Variants in PDE1C observed in about 807,000 individuals in gnomAD.
PDE1C encodes phosphodiesterase 1C, also known as dual specificity calcium/calmodulin-dependent 3',5'-cyclic nucleotide phosphodiesterase 1C.
A neutral mutation model predicts 93.1 loss-of-function variants in PDE1C; 62 were observed. The observed-to-expected ratio is 0.67, with a 90% CI of 0.54 to 0.82. PDE1C has a LOEUF of 0.82. PDE1C is among the 40% of genes least tolerant of loss of function. The probability of loss-of-function intolerance (pLI) is 0.00; values close to 1 mark genes in which losing one functional copy is unlikely to be tolerated. For missense variants in PDE1C, 742 were observed against 884.6 expected, an observed-to-expected ratio of 0.84 and a Z score of 2.04; for synonymous variants, 325 against 310.1, an observed-to-expected ratio of 1.05 and a Z score of -0.50.
chr7:32,259,461 T>C (rs1810038767), intron 1 of PDE1C, among the ~76,000 whole-genome samples: 1 of 152,124 alleles, frequency 6.6e-6, no homozygotes, highest in Non-Finnish European at 1.5e-5. Context: ...GCAACTGGAT[T>C]AAATTTGGAC....
the PDE1C span, chr7:31,656,563 A>G: frequency 2.6e-5 from 20 of 767,142 alleles, no homozygotes; most frequent in Non-Finnish European, 2.5e-5. Context: ...CACACAGAAT[A>G]TTACCTACCG....
chr7:31,817,798 G>A (rs1458718093), intron 14 of PDE1C, among the ~76,000 whole-genome samples: 3 of 152,040 alleles, frequency 2.0e-5, no homozygotes, highest in Non-Finnish European at 4.4e-5. Context: ...CTTTGTTTTA[G>A]TTGCTAAAGA....
chr7:32,422,355 T>C (rs1009480095), intron 1 of PDE1C, among the ~76,000 whole-genome samples: 3 of 152,210 alleles, frequency 2.0e-5, no homozygotes, highest in Admixed American at 1.3e-4. Context: ...AATTTTAGAT[T>C]CAAGCCCCAT....
chr7:31,997,425 A>T (rs1035654702), intron 2 of PDE1C, among the ~76,000 whole-genome samples: 1 of 152,196 alleles, frequency 6.6e-6, no homozygotes, highest in African/African-American at 2.4e-5. Flanking sequence ...TGTGGACAGA[A>T]CAAAAATCAG....
the PDE1C span, among the ~76,000 whole-genome samples, chr7:31,628,922 T>C: frequency 4.6e-5 from 7 of 152,128 alleles, no homozygotes; most frequent in Non-Finnish European, 1.0e-4. Context: ...TCCTCCCAGC[T>C]AGCTTCACAA....
the PDE1C span, among the ~76,000 whole-genome samples, chr7:31,645,804 CT>C: frequency 1.3e-5 from 2 of 152,116 alleles, no homozygotes; most frequent in Admixed American, 1.3e-4. Context: ...GCCAGGAATG[CT>C]GCAAAACATC....
intron 2 of PDE1C, among the ~76,000 whole-genome samples, chr7:31,937,333 C>G (rs1373212545): frequency 6.6e-6 from 1 of 152,144 alleles, no homozygotes; most frequent in Admixed American, 6.5e-5. Flanking sequence ...TTATTTCTTT[C>G]AGGACCTGCT....
intron 2 of PDE1C, among the ~76,000 whole-genome samples, chr7:31,964,256 C>T (rs1372318977): frequency 6.6e-6 from 1 of 152,190 alleles, no homozygotes; most frequent in South Asian, 2.1e-4. Context: ...TCACTCCCAC[C>T]CTAATACTGC....
intron 1 of PDE1C, among the ~76,000 whole-genome samples, chr7:32,398,434 G>C (rs1784880379): frequency 6.6e-6 from 1 of 151,650 alleles, no homozygotes; most frequent in South Asian, 2.1e-4. Flanking sequence ...TGTCACCCAG[G>C]GTAGAGTGCA....
At chr7:31,945,285 A>G (rs572339903) in intron 2 of PDE1C, among the ~76,000 whole-genome samples, 30 of 151,968 alleles carry the variant, frequency 2.0e-4, no homozygotes, top group East Asian at 1.2e-3. Context: ...TTAAAAAATA[A>G]GAAAAAAAGA....
the PDE1C span, among the ~76,000 whole-genome samples, chr7:31,705,508 G>T: frequency 6.6e-6 from 1 of 152,188 alleles, no homozygotes; most frequent in East Asian, 1.9e-4. Context: ...AAAAGCTGTA[G>T]TTTCAGCCAG....
At chr7:31,735,118 G>A in the PDE1C span, among the ~76,000 whole-genome samples, 1 of 152,220 alleles carries the variant, frequency 6.6e-6, no homozygotes, top group South Asian at 2.1e-4. Context: ...GATTGCATAG[G>A]CAGGGTGCAG....
At chr7:32,276,063 G>A (rs1262405330) in intron 1 of PDE1C, among the ~76,000 whole-genome samples, 1 of 152,090 alleles carries the variant, frequency 6.6e-6, no homozygotes, top group Non-Finnish European at 1.5e-5. Flanking sequence ...GGGTATAAAT[G>A]GCCATAGTGT....
chr7:31,861,070 T>A (rs1794637603), intron 7 of PDE1C, among the ~76,000 whole-genome samples: 2 of 152,194 alleles, frequency 1.3e-5, no homozygotes, highest in Admixed American at 1.3e-4. Flanking sequence ...CTGAGATGAC[T>A]CATGTCAAGG....
At chr7:31,910,125 A>G (rs1194660031) in intron 2 of PDE1C, among the ~76,000 whole-genome samples, 1 of 152,196 alleles carries the variant, frequency 6.6e-6, no homozygotes, top group Non-Finnish European at 1.5e-5. Flanking sequence ...AAACACGCCC[A>G]GGGTGACTTC....
intron 1 of PDE1C, among the ~76,000 whole-genome samples, chr7:32,287,734 C>T (rs1356435627): frequency 6.6e-6 from 1 of 152,224 alleles, no homozygotes. Context: ...GGAATGTGGG[C>T]TTGATCCTGC....
chr7:31,663,017 T>C, the PDE1C span, among the ~76,000 whole-genome samples: 7 of 152,154 alleles, frequency 4.6e-5, no homozygotes, highest in African/African-American at 1.7e-4. Flanking sequence ...CTATCTGGCT[T>C]TATCCCATCC....
At chr7:32,233,704 G>T (rs778495067) in intron 1 of PDE1C, among the ~76,000 whole-genome samples, 6 of 152,062 alleles carry the variant, frequency 3.9e-5, no homozygotes, top group Non-Finnish European at 8.8e-5. Flanking sequence ...TAACAGAAGT[G>T]AAAGAACAGA....
intron 3 of PDE1C, among the ~76,000 whole-genome samples, chr7:32,132,418 C>T (rs1284473480): frequency 6.6e-6 from 1 of 152,112 alleles, no homozygotes; most frequent in African/African-American, 2.4e-5. Flanking sequence ...AATCCCAACA[C>T]TTTGGGAGGC....
Sources: allele counts gnomAD v4.1 joint callset (sites outside exome capture counted in the v4.1 genomes callset), GRCh38; gene constraint gnomAD v4.1.1; transcripts MANE v1.5; gene names NCBI Gene and HGNC (gene_info 2026-07-23, HGNC 2026-07-21).